DIAPH3: variants seen among roughly 807,000 people sequenced by gnomAD.
The protein encoded by DIAPH3 is diaphanous related formin 3.
In DIAPH3, 117 loss-of-function variants were observed where a neutral mutation model predicts 144.3. That is an observed-to-expected ratio of 0.81 (90% CI 0.70 to 0.95). DIAPH3 has a LOEUF of 0.95. Among genes scored for constraint, DIAPH3 ranks in the 40% least tolerant of loss-of-function variants. The pLI, the probability that DIAPH3 is intolerant of heterozygous loss-of-function variation, is 0.00. For missense variants in DIAPH3, 1,421 were observed against 1,412.7 expected (o/e 1.01, Z -0.09); for synonymous variants, 519 against 488.9 (o/e 1.06, Z -0.81).
chr13:59,952,015 C>A (rs1197992689), intron 17 of DIAPH3, among the ~76,000 whole-genome samples: 1 of 152,128 alleles, frequency 6.6e-6, no homozygotes, highest in Non-Finnish European at 1.5e-5. Flanking sequence ...CCCTAAATAT[C>A]CACCAGTGAA....
intron 1 of DIAPH3, among the ~76,000 whole-genome samples, chr13:60,146,430 T>C (rs370206784): frequency 1.3e-5 from 2 of 152,232 alleles, no homozygotes; most frequent in African/African-American, 4.8e-5. Flanking sequence ...GAGCTAAACA[T>C]ACTGAAAAAC....
intron 17 of DIAPH3, among the ~76,000 whole-genome samples, chr13:59,944,591 C>T (rs969285324): frequency 5.9e-5 from 9 of 152,080 alleles, no homozygotes; most frequent in African/African-American, 2.2e-4. Context: ...CCAATCTTCA[C>T]AAGGAAGCAG....
chr13:59,884,080 C>G (rs2045272789), intron 20 of DIAPH3, among the ~76,000 whole-genome samples: 1 of 152,040 alleles, frequency 6.6e-6, no homozygotes, highest in African/African-American at 2.4e-5. Flanking sequence ...ATAGCTGCTC[C>G]CTATTGCTTG....
chr13:59,822,467 A>C (rs1396118671), intron 24 of DIAPH3, among the ~76,000 whole-genome samples: 2 of 152,002 alleles, frequency 1.3e-5, no homozygotes, highest in Non-Finnish European at 2.9e-5. Flanking sequence ...TGTGAGACGG[A>C]GTCTCGCTCT....
intron 18 of DIAPH3, among the ~76,000 whole-genome samples, chr13:59,920,892 A>G (rs1409334758): frequency 1.3e-5 from 2 of 151,916 alleles, no homozygotes; most frequent in Non-Finnish European, 1.5e-5. Flanking sequence ...TATCAAGTAT[A>G]TTTTCTGACC....
chr13:59,832,403 T>C (rs1792517289), intron 24 of DIAPH3, among the ~76,000 whole-genome samples: 1 of 151,832 alleles, frequency 6.6e-6, no homozygotes, highest in African/African-American at 2.4e-5. Flanking sequence ...CTCAAAACTT[T>C]TTAATCGCCA....
At chr13:59,979,233 T>C (rs1455266419) in intron 14 of DIAPH3, among the ~76,000 whole-genome samples, 5 of 151,650 alleles carry the variant, frequency 3.3e-5, no homozygotes, top group African/African-American at 1.2e-4. Context: ...TTGAGAAACT[T>C]TAACTCCATT....
At chr13:59,896,706 CT>C (rs2046122046) in intron 20 of DIAPH3, among the ~76,000 whole-genome samples, 1 of 152,076 alleles carries the variant, frequency 6.6e-6, no homozygotes, top group African/African-American at 2.4e-5. Flanking sequence ...TCCGGGATAC[CT>C]AGTCAGAGAG....
At chr13:59,892,110 A>G (rs535241229) in intron 20 of DIAPH3, among the ~76,000 whole-genome samples, 1 of 152,130 alleles carries the variant, frequency 6.6e-6, no homozygotes, top group South Asian at 2.1e-4. Flanking sequence ...AAAGAGATAG[A>G]AAAACAACAA....
intron 25 of DIAPH3, among the ~76,000 whole-genome samples, chr13:59,788,050 TA>T (rs1419095770): frequency 6.6e-6 from 1 of 152,226 alleles, no homozygotes; most frequent in African/African-American, 2.4e-5. Context: ...CAGTTTATGA[TA>T]TTTTTTATAG....
intron 3 of DIAPH3, among the ~76,000 whole-genome samples, chr13:60,104,950 G>T (rs772650915): frequency 7.9e-5 from 12 of 151,990 alleles, no homozygotes; most frequent in Non-Finnish European, 1.6e-4. Flanking sequence ...AAAAAAATTA[G>T]CTGGGAGTGG....
At chr13:60,001,817 T>C (rs951177956) in intron 9 of DIAPH3, among the ~76,000 whole-genome samples, 3 of 152,188 alleles carry the variant, frequency 2.0e-5, no homozygotes, top group Non-Finnish European at 2.9e-5. Context: ...ATGGAAGCTA[T>C]GCTTAGTTAC....
intron 4 of DIAPH3, among the ~76,000 whole-genome samples, chr13:60,074,953 G>A (rs549532056): frequency 6.6e-6 from 1 of 152,040 alleles, no homozygotes; most frequent in Non-Finnish European, 1.5e-5. Flanking sequence ...CTGGTACACA[G>A]ATCTTTATAT....
intron 4 of DIAPH3, among the ~76,000 whole-genome samples, chr13:60,047,040 G>A (rs939379872): frequency 6.6e-6 from 1 of 152,002 alleles, no homozygotes; most frequent in Admixed American, 6.6e-5. Context: ...TGGGTTGATA[G>A]GTGCAGCAAA....
intron 3 of DIAPH3, among the ~76,000 whole-genome samples, chr13:60,101,920 T>C (rs1391036145): frequency 6.6e-6 from 1 of 152,180 alleles, no homozygotes; most frequent in Non-Finnish European, 1.5e-5. Context: ...TTACAACATT[T>C]ATGGCAAATC....
intron 9 of DIAPH3, among the ~76,000 whole-genome samples, chr13:59,994,832 G>T (rs1410096233): frequency 6.6e-6 from 1 of 151,794 alleles, no homozygotes; most frequent in Non-Finnish European, 1.5e-5. Context: ...AGGAGAGAGG[G>T]CATAGCCTTG....
chr13:59,724,362 T>A (rs117409285), intron 27 of DIAPH3, among the ~76,000 whole-genome samples: 6,512 of 152,212 alleles, frequency 0.043, 232 homozygotes, highest in South Asian at 0.1. Context: ...TCTAAAGAAT[T>A]TAAGACACCT....
intron 4 of DIAPH3, among the ~76,000 whole-genome samples, chr13:60,083,671 G>T (rs2057640741): frequency 6.6e-6 from 1 of 152,040 alleles, no homozygotes; most frequent in South Asian, 2.1e-4. Context: ...GTGCATTTGT[G>T]GCCCCCATGG....
chr13:59,752,092 T>A (rs922297900), intron 27 of DIAPH3, among the ~76,000 whole-genome samples: 61 of 152,224 alleles, frequency 4.0e-4, no homozygotes, highest in Admixed American at 3.4e-3. Flanking sequence ...CCAGCCAATA[T>A]CCTTGTTAGT....
Sources: allele counts gnomAD v4.1 joint callset (sites outside exome capture counted in the v4.1 genomes callset), GRCh38; gene constraint gnomAD v4.1.1; transcripts MANE v1.5; gene names NCBI Gene and HGNC (gene_info 2026-07-23, HGNC 2026-07-21).